Variants in ADD1 observed in about 807,000 individuals in gnomAD.
ADD1 encodes alpha-adducin.
In ADD1, 24 loss-of-function variants were observed where a neutral mutation model predicts 80.5. That is an observed-to-expected ratio of 0.30 (90% confidence interval 0.22 to 0.42). The LOEUF (loss-of-function observed/expected upper bound fraction) is 0.42. Among genes scored for constraint, ADD1 ranks in the 10% least tolerant of loss-of-function variants. The pLI is 1.00. For missense variants in ADD1, 948 were observed against 1,019.0 expected, an observed-to-expected ratio of 0.93 and a Z score of 0.95; for synonymous variants, 373 against 393.8, an observed-to-expected ratio of 0.95 and a Z score of 0.63.
rs982811284 is a variant in ADD1, at chr4:2,926,230, G to A, written c.2047+118G>A. 4.4e-6 allele frequency: 4 copies of A among 899,218 alleles called. No homozygotes were observed. Among genetic ancestry groups the A allele is most frequent in the South Asian group, 1.4e-5 (1 of 72,182 alleles). The allele number at this position is 899,218 out of a possible 1,614,324, so 55.7% of individuals were successfully genotyped here. ...CACGGAAGTGTGTGCTTGCATCAGC[G>A]CCAGGACGTGACACCTTTCTCCTCC... On this transcript the variant is annotated intron_variant, in intron 15 of 15. Transcript: ENST00000683351. This position sits in a 1 kb window ranked among gnomAD's most constrained non-coding sequence, Gnocchi z 5.0.
intron 14 of ADD1, among the ~76,000 whole-genome samples, chr4:2,923,924 C>T (rs1027646235): frequency 1.3e-5 from 2 of 152,262 alleles, no homozygotes; most frequent in Middle Eastern, 3.2e-3. Context: ...CAGCAGTCAG[C>T]CCCGGCCTCT....
At chr4:2,916,606 C>T (rs540808930) in intron 14 of ADD1, among the ~76,000 whole-genome samples, 2 of 152,204 alleles carry the variant, frequency 1.3e-5, no homozygotes, top group South Asian at 4.1e-4. Context: ...CATAGGTATA[C>T]ACGTGCCGTG....
rs1212661038 is a variant in ADD1, at chr4:2,928,386, G to T, written c.2263G>T (p.Ala755Ser). ...PDPAPVAEEA[A>S]PSAVEEGAAA... ...CCCAGCCCCGGTGGCTGAAGAGGCT[G>T]CCCCCTCAGCTGTCGAGGAGGGGGC... The change falls in exon 16 of 16, where the codon GCC becomes TCC. Residue 755 changes from alanine to serine, a missense_variant. Transcript: ENST00000683351. 6.2e-7 allele frequency: 1 copy of T among 1,613,108 alleles called. No individual in the cohort carries two copies. Among genetic ancestry groups the T allele is most frequent in the Non-Finnish European group, 8.5e-7 (1 of 1,179,862 alleles).
intron 11 of ADD1, 148 bp from the exon 12 acceptor site, chr4:2,908,367 C>A: frequency 2.9e-6 from 2 of 678,260 alleles, no homozygotes; most frequent in Non-Finnish European, 5.1e-6. Flanking sequence ...TCACTCAGAA[C>A]ACATGGGGCC....
At chr4:2,911,399 G>T (rs904250999) in intron 13 of ADD1, among the ~76,000 whole-genome samples, 1 of 149,576 alleles carries the variant, frequency 6.7e-6, no homozygotes, top group Admixed American at 6.7e-5. Flanking sequence ...TGTTGACTTT[G>T]TTTTGGGCAG....
In ADD1 at chr4:2,898,264, T is replaced by C. The variant is rs1216584471; in HGVS notation, c.822T>C (p.His274=). ...GAGAAGTGGCTTATCATGACTACCA[T>C]GGCATTCTGGTTGATGAAGAGGAAA... ...SLGEVAYHDY[H]GILVDEEEKV... The change falls in exon 7 of 16, where the codon CAT becomes CAC. Residue 274 remains histidine (H), a synonymous_variant. Transcript: ENST00000683351. 1.2e-6 allele frequency: 2 copies of C among 1,614,178 alleles called. No homozygotes were observed. Among genetic ancestry groups the C allele is most frequent in the Admixed American group, 1.7e-5 (1 of 60,018 alleles).
At chr4:2,858,145 T>C (rs556861198) in intron 1 of ADD1, among the ~76,000 whole-genome samples, 1 of 152,350 alleles carries the variant, frequency 6.6e-6, no homozygotes, top group South Asian at 2.1e-4. Flanking sequence ...TGGAGATATG[T>C]GTCCCCCTGC....
At position 2,881,978 on chromosome 4, in the gene ADD1, G is replaced by A. The variant is rs1397387255; in HGVS notation, c.276G>A (p.Gln92=). The A allele has an allele frequency of 1.2e-6, 2 of 1,613,296 alleles. No individual in the cohort carries two copies. The highest frequency in any genetic ancestry group is 3.3e-5 in the Admixed American group (2 of 59,796). The change falls in exon 3 of 16, where the codon CAG becomes CAA. Residue 92 remains glutamine, a synonymous_variant. Coordinates refer to ENST00000683351, the MANE Select transcript of ADD1 (RefSeq NM_001354761.2). The part of the protein sequence containing the change: ...GKNPTGLLAL[Q]QIADFMTTNV... ...ACCCCACAGGCCTATTGGCATTACA[G>A]CAGATTGCAGATTTTATGACCACGA...
At chr4:2,919,072 C>G (rs1313046425) in intron 14 of ADD1, among the ~76,000 whole-genome samples, 1 of 152,054 alleles carries the variant, frequency 6.6e-6, no homozygotes, top group African/African-American at 2.4e-5. Flanking sequence ...ATCTCCTGAC[C>G]TTGTGATCCA....
chr4:2,922,734 C>T (rs547334919), intron 14 of ADD1, among the ~76,000 whole-genome samples: 1 of 152,316 alleles, frequency 6.6e-6, no homozygotes, highest in East Asian at 1.9e-4. Context: ...AAGTTGTGCC[C>T]ACAGCCAACC....
At chr4:2,920,515 G>A (rs1234824323) in intron 14 of ADD1, among the ~76,000 whole-genome samples, 2 of 152,186 alleles carry the variant, frequency 1.3e-5, no homozygotes, top group African/African-American at 4.8e-5. Context: ...GGGTGCTCCT[G>A]TATTGGGTGC....
At chr4:2,908,872 T>C (rs1052755534) in intron 12 of ADD1, 4 of 517,098 alleles carry the variant, frequency 7.7e-6, no homozygotes, top group Admixed American at 3.4e-5. Context: ...ACCACCAGCT[T>C]TGGGGCTCAG....
In ADD1 at chr4:2,894,656, C is replaced by A. The variant is rs1223909379; in HGVS notation, c.666C>A (p.Thr222=). The change falls in exon 6 of 16, where the codon ACC becomes ACA. Residue 222 remains threonine (T), a synonymous_variant. Transcript: ENST00000683351. ...TNLGVNQAGF[T]LHSAIYAARP... is the part of the protein sequence containing the mutation. ...TGGGAGTGAATCAGGCCGGCTTCACCTTACACTCTGCAATTTATGCTGCAC... is the reference window on the plus strand; with the variant it reads ...TGGGAGTGAATCAGGCCGGCTTCACATTACACTCTGCAATTTATGCTGCAC... 2 of 1,610,012 alleles carry A rather than the reference C, an allele frequency of 1.2e-6. No homozygotes were observed. Among genetic ancestry groups the A allele is most frequent in the African/African-American group, 2.7e-5 (2 of 74,530 alleles).
rs1560277112 is a variant in ADD1, at chr4:2,930,030, A to G, written c.*1507A>G. The G allele has an allele frequency of 1.3e-5, 2 of 152,534 alleles. No individual in the cohort carries two copies. The highest frequency in any genetic ancestry group is 4.8e-5 in the African/African-American group (2 of 41,470). The allele number at this position is 152,534 out of a possible 1,614,324, so 9.4% of individuals were successfully genotyped here. On this transcript the variant is annotated 3_prime_UTR_variant, in exon 16 of 16. Transcript: ENST00000683351. The stretch of plus-strand genomic sequence containing the variant: ...CTGAATGTCCTTTCTCCAGTGTAAC[A>G]TGTTTTACTCACAAATAAAATTCTT...
chr4:2,870,674 G>A (rs1413979704), intron 1 of ADD1, among the ~76,000 whole-genome samples: 1 of 152,214 alleles, frequency 6.6e-6, no homozygotes, highest in Non-Finnish European at 1.5e-5. Flanking sequence ...TTAGAGGAAA[G>A]GCCCTAAGGA....
chr4:2,850,535 C>T (rs1026661250), intron 1 of ADD1, among the ~76,000 whole-genome samples: 2 of 152,194 alleles, frequency 1.3e-5, no homozygotes, highest in African/African-American at 2.4e-5. Flanking sequence ...ACGCCATTCT[C>T]CTGCCTCAGC....
In ADD1 at chr4:2,914,959, C is replaced by T; in HGVS notation, c.1867C>T (p.Pro623Ser). 1 of 1,614,136 alleles carries T rather than the reference C, an allele frequency of 6.2e-7. No individual in the cohort carries two copies. Among genetic ancestry groups the T allele is most frequent in the Non-Finnish European group, 8.5e-7 (1 of 1,180,020 alleles). ...CCACGTCATTGTGAGCACCACGGGCCCCAACCCCTTCACCACACTCACAGA... is the reference window on the plus strand; with the variant it reads ...CCACGTCATTGTGAGCACCACGGGCTCCAACCCCTTCACCACACTCACAGA... ...QPHVIVSTTG[P>S]NPFTTLTDRE... Residue 623 changes from proline to serine, a missense_variant, in exon 14 of 16, where the codon CCC becomes TCC. Pro to Ser is a moderately conservative substitution (Grantham distance 74, BLOSUM62 -1). Transcript: ENST00000683351.
chr4:2,882,269 A>G (rs1454808740), intron 3 of ADD1, among the ~76,000 whole-genome samples: 2 of 152,220 alleles, frequency 1.3e-5, no homozygotes, highest in Non-Finnish European at 2.9e-5. Context: ...TTTCTTAGCC[A>G]GTGAGACTTT....
At chr4:2,898,014 A>C (rs746293498) in intron 6 of ADD1, among the ~76,000 whole-genome samples, 170 bp from the exon 7 acceptor site, 6 of 152,222 alleles carry the variant, frequency 3.9e-5, no homozygotes, top group African/African-American at 1.2e-4. Flanking sequence ...TTAAGTGTGA[A>C]TTGTTAGCAC....
Sources: gnomAD v4.1 joint callset for allele counts (sites outside exome capture counted in the v4.1 genomes callset) on GRCh38, gnomAD v4.1.1 for gene constraint, Gnocchi (gnomAD v3.1) non-coding constraint, MANE v1.5 for transcripts, NCBI Gene and HGNC (gene_info 2026-07-23, HGNC 2026-07-21) for gene names.